THRAP3: variants seen among roughly 807,000 people sequenced by gnomAD.
THRAP3 encodes thyroid hormone receptor-associated protein 3.
In THRAP3, 16 loss-of-function variants were observed where a neutral mutation model predicts 101.0. The ratio of observed to expected loss-of-function variants is 0.16; its 90% CI spans 0.11 to 0.24. THRAP3 has a LOEUF of 0.24. Ranked by LOEUF, THRAP3 falls within the 10% of genes least tolerant of loss-of-function variation. The pLI is 1.00. For missense variants in THRAP3, 989 were observed against 1,202.7 expected (o/e 0.82, Z 2.63); for synonymous variants, 407 against 422.6 (o/e 0.96, Z 0.45).
At chr1:36,221,410 GA>G (rs907374029), upstream of THRAP3, among the ~76,000 whole-genome samples, 10 of 146,336 alleles carry the variant, frequency 6.8e-5, no homozygotes, top group African/African-American at 7.5e-5. Flanking sequence ...GATGAAAAGG[GA>G]AAAAAAAAAG....
chr1:36,218,623 G>A, the THRAP3 span, among the ~76,000 whole-genome samples: 4 of 151,384 alleles, frequency 2.6e-5, no homozygotes, highest in South Asian at 2.1e-4. Context: ...TCGGGAGGCT[G>A]AGGCAGGAGA....
intron 1 of THRAP3, among the ~76,000 whole-genome samples, chr1:36,258,409 G>A (rs1645403061): frequency 2.0e-5 from 3 of 152,146 alleles, no homozygotes; most frequent in African/African-American, 2.4e-5. Context: ...AACACATACC[G>A]ACATTGTTAT....
At chr1:36,243,730 G>T (rs1477469316) in intron 1 of THRAP3, among the ~76,000 whole-genome samples, 2 of 152,126 alleles carry the variant, frequency 1.3e-5, no homozygotes, top group Admixed American at 1.3e-4. Flanking sequence ...CCCAGACGGG[G>T]CGGTGGCCGG....
chr1:36,285,444 C>G (rs1352377223), intron 3 of THRAP3, among the ~76,000 whole-genome samples: 3 of 152,092 alleles, frequency 2.0e-5, no homozygotes. Flanking sequence ...ATTGACAAGC[C>G]TGACACTCAG....
chr1:36,209,369 T>C, the THRAP3 span, among the ~76,000 whole-genome samples: 11 of 152,206 alleles, frequency 7.2e-5, no homozygotes, highest in Admixed American at 6.5e-4. Flanking sequence ...ACTGCTATTT[T>C]GAGCAGGATT....
chr1:36,273,209 A>G (rs919672749), intron 2 of THRAP3, among the ~76,000 whole-genome samples: 1 of 152,214 alleles, frequency 6.6e-6, no homozygotes, highest in Admixed American at 6.5e-5. Flanking sequence ...CGAATGTAGC[A>G]TTATCTAATC....
intron 2 of THRAP3, among the ~76,000 whole-genome samples, chr1:36,280,952 T>C (rs1241126159): frequency 2.0e-5 from 3 of 148,884 alleles, no homozygotes; most frequent in Non-Finnish European, 4.5e-5. Flanking sequence ...TGAGACGGAG[T>C]TTTGCTCTTG....
intron 1 of THRAP3, among the ~76,000 whole-genome samples, chr1:36,257,283 C>T (rs1570276867): frequency 6.6e-6 from 1 of 152,144 alleles, no homozygotes; most frequent in African/African-American, 2.4e-5. Context: ...AACTTTTACT[C>T]CTCCAGGTGC....
intron 1 of THRAP3, among the ~76,000 whole-genome samples, chr1:36,228,951 G>A (rs1644993330): frequency 6.6e-6 from 1 of 152,058 alleles, no homozygotes; most frequent in Admixed American, 6.6e-5. Context: ...AGTGAGCTAT[G>A]ATTGCGGCAC....
the THRAP3 span, among the ~76,000 whole-genome samples, chr1:36,209,421 T>C: frequency 3.3e-5 from 5 of 152,210 alleles, no homozygotes; most frequent in Admixed American, 1.3e-4. Context: ...TTGTAGGATG[T>C]CTAGCAGCAT....
the THRAP3 span, among the ~76,000 whole-genome samples, chr1:36,211,707 T>C: frequency 1.3e-5 from 2 of 152,180 alleles, no homozygotes; most frequent in African/African-American, 4.8e-5. Context: ...CAATGATCAG[T>C]AGCAAACAAG....
At chr1:36,249,276 C>G (rs1355751640) in intron 1 of THRAP3, among the ~76,000 whole-genome samples, 1 of 148,926 alleles carries the variant, frequency 6.7e-6, no homozygotes, top group Non-Finnish European at 1.5e-5. Context: ...ACTGCAAGCT[C>G]TGCCTCCCAG....
chr1:36,212,457 T>G, the THRAP3 span, among the ~76,000 whole-genome samples: 1 of 149,506 alleles, frequency 6.7e-6, no homozygotes, highest in Non-Finnish European at 1.5e-5. Flanking sequence ...GTCTTGCTCT[T>G]TCGGCCAGGC....
intron 4 of THRAP3, 176 bp downstream of exon 4, chr1:36,287,446 G>C: frequency 1.0e-6 from 1 of 985,252 alleles, no homozygotes; most frequent in Non-Finnish European, 1.2e-6. Flanking sequence ...GTTAACTCTA[G>C]CTTTCCTACC....
At chr1:36,303,164 G>T (rs77802064) in intron 11 of THRAP3, among the ~76,000 whole-genome samples, 3 of 134,412 alleles carry the variant, frequency 2.2e-5, no homozygotes, top group Admixed American at 1.7e-4. Flanking sequence ...GGTTTTCACC[G>T]TATAGCCCAG....
intron 2 of THRAP3, among the ~76,000 whole-genome samples, chr1:36,262,663 T>C (rs1208090845): frequency 6.6e-6 from 1 of 152,228 alleles, no homozygotes; most frequent in Non-Finnish European, 1.5e-5. Context: ...CCATTCTCAG[T>C]TTCTTCAATT....
chr1:36,241,385 GTATATATATATATA>G (rs1166260923), intron 1 of THRAP3, among the ~76,000 whole-genome samples: 78 of 8,654 alleles, frequency 9.0e-3, no homozygotes, highest in African/African-American at 0.011. Flanking sequence ...GATAATGGGT[GTATATATATATATA>G]TATATATATA....
chr1:36,280,741 T>C (rs1192810185), intron 2 of THRAP3, among the ~76,000 whole-genome samples: 1 of 152,160 alleles, frequency 6.6e-6, no homozygotes, highest in African/African-American at 2.4e-5. Context: ...TTAAAGTTTT[T>C]ACTGCTGGGA....
At position 36,276,955 on chromosome 1, in the gene THRAP3, T is replaced by C. The variant is rs771497833; in HGVS notation, c.-31-5578T>C. On this transcript the variant is annotated intron_variant, in intron 2 of 11. Transcript: ENST00000354618. The stretch of plus-strand genomic sequence containing the variant: ...CCAATAAGGGACTTGTATCCACACT[T>C]TTTTTAATTTTTATTTTATTCTTAT... Among the ~76,000 whole-genome samples the C allele has an allele frequency of 2.8e-4, 42 of 152,252 alleles. 1 individual carries two copies. The highest frequency in any genetic ancestry group is 5.4e-4 in the Non-Finnish European group (37 of 68,020).
Sources: allele counts gnomAD v4.1 joint callset (sites outside exome capture counted in the v4.1 genomes callset), GRCh38; gene constraint gnomAD v4.1.1; transcripts MANE v1.5; gene names NCBI Gene and HGNC (gene_info 2026-07-23, HGNC 2026-07-21).